SYT16: variants seen among roughly 807,000 people sequenced by gnomAD.
SYT16 encodes synaptotagmin-16.
SYT16 carries 42 observed loss-of-function variants against 61.4 expected under a neutral mutation model. That is an observed-to-expected ratio of 0.68 (90% confidence interval 0.53 to 0.89). The LOEUF (loss-of-function observed/expected upper bound fraction) is 0.89. Ranked by LOEUF, SYT16 falls within the 40% of genes least tolerant of loss-of-function variation. SYT16 has a pLI of 0.00. For missense variants in SYT16, 804 were observed against 807.3 expected (o/e 1.00, Z 0.05); for synonymous variants, 314 against 302.3 (o/e 1.04, Z -0.40).
At chr14:61,916,540 G>A (rs534248415) in intron 1 of SYT16, among the ~76,000 whole-genome samples, 48 of 152,154 alleles carry the variant, frequency 3.2e-4, no homozygotes, top group African/African-American at 1.0e-3. Context: ...TGAAATCAGG[G>A]TGATTCAGAT....
intron 1 of SYT16, among the ~76,000 whole-genome samples, chr14:61,929,077 T>C (rs553395884): frequency 6.6e-6 from 1 of 152,164 alleles, no homozygotes; most frequent in African/African-American, 2.4e-5. Flanking sequence ...CTTAGTTCAG[T>C]TTTTCTCTCC....
intron 7 of SYT16, among the ~76,000 whole-genome samples, chr14:62,090,800 G>C (rs1848841809): frequency 6.6e-6 from 1 of 152,164 alleles, no homozygotes; most frequent in Non-Finnish European, 1.5e-5. Context: ...AAGTAAAAGA[G>C]GTTTAGTGGA....
chr14:61,855,294 T>A (rs1260605858), intron 1 of SYT16, among the ~76,000 whole-genome samples: 1 of 152,200 alleles, frequency 6.6e-6, no homozygotes, highest in Non-Finnish European at 1.5e-5. Context: ...TGCATGGAAC[T>A]ACAGATGTAT....
At position 62,084,505 on chromosome 14, in the gene SYT16, A is replaced by G. The variant is rs113610359; in HGVS notation, c.1624+120A>G. On this transcript the variant is annotated intron_variant, in intron 7 of 7. Coordinates refer to ENST00000683842, the MANE Select transcript of SYT16 (RefSeq NM_001367656.1). ...AAATGATCTTATTATGGCTTAAGCAAGCTTTCACAAAGAGATACCTCTGTA... is the reference window on the plus strand; with the variant it reads ...AAATGATCTTATTATGGCTTAAGCAGGCTTTCACAAAGAGATACCTCTGTA... The G allele has an allele frequency of 2.2e-4, 251 of 1,130,992 alleles. No individual in the cohort carries two copies. The African/African-American group carries it at 3.6e-3, about 16-fold the overall frequency. 70.1% of individuals were successfully genotyped at this position (1,130,992 alleles called of 1,614,324 possible).
intron 1 of SYT16, among the ~76,000 whole-genome samples, chr14:61,847,151 C>T (rs540747122): frequency 4.6e-5 from 7 of 152,130 alleles, no homozygotes; most frequent in Non-Finnish European, 8.8e-5. Flanking sequence ...GAGTTTTACA[C>T]CTTCAGATGA....
intron 1 of SYT16, among the ~76,000 whole-genome samples, chr14:61,966,256 C>A (rs1424680303): frequency 6.6e-6 from 1 of 151,852 alleles, no homozygotes; most frequent in Non-Finnish European, 1.5e-5. Context: ...CTTCATATTA[C>A]CTTCAATCTG....
In SYT16 at chr14:62,100,575, G is replaced by A; in HGVS notation, c.1806G>A (p.Lys602=). 7 of 1,613,834 alleles carry A rather than the reference G, an allele frequency of 4.3e-6. No homozygotes were observed. In the South Asian group the frequency reaches 5.5e-5, roughly 13 times the overall value. The change falls in exon 8 of 8, where the codon AAG becomes AAA. Residue 602 remains lysine, a synonymous_variant. Transcript: ENST00000683842. Reference sequence around the variant, plus strand: ...CCGTTTATAACAGGCGTACTATGAAGCGTAAAGAGATGATTGGCTGGATTG... The same window carrying A: ...CCGTTTATAACAGGCGTACTATGAAACGTAAAGAGATGATTGGCTGGATTG... ...MISVYNRRTM[K]RKEMIGWIAL...
At chr14:61,866,184 A>G (rs768235047) in intron 1 of SYT16, among the ~76,000 whole-genome samples, 1 of 152,160 alleles carries the variant, frequency 6.6e-6, no homozygotes, top group Non-Finnish European at 1.5e-5. Context: ...CTCGTGTATA[A>G]GTATTTGTGT....
At chr14:61,875,204 T>C (rs943032547) in intron 1 of SYT16, among the ~76,000 whole-genome samples, 6 of 152,234 alleles carry the variant, frequency 3.9e-5, no homozygotes, top group African/African-American at 1.2e-4. Context: ...ATCAGTGTTA[T>C]GGCTTTAGAG....
intron 7 of SYT16, among the ~76,000 whole-genome samples, chr14:62,098,305 G>T (rs2057330010): frequency 1.3e-5 from 2 of 152,260 alleles, no homozygotes; most frequent in South Asian, 2.1e-4. Context: ...GATTGAATTT[G>T]GGAAACACCC....
At chr14:61,878,535 C>T (rs2047584400) in intron 1 of SYT16, among the ~76,000 whole-genome samples, 1 of 152,178 alleles carries the variant, frequency 6.6e-6, no homozygotes, top group African/African-American at 2.4e-5. Context: ...TCTACATAGC[C>T]ACACTTGAAA....
intron 3 of SYT16, among the ~76,000 whole-genome samples, chr14:62,032,361 G>A (rs34565772): frequency 0.24 from 35,691 of 151,874 alleles, 6,099 homozygotes; most frequent in African/African-American, 0.48. Context: ...TAAGATAAGA[G>A]TTAGAATAGT....
At chr14:61,850,455 G>A (rs990833217) in intron 1 of SYT16, among the ~76,000 whole-genome samples, 1 of 152,032 alleles carries the variant, frequency 6.6e-6, no homozygotes, top group Non-Finnish European at 1.5e-5. Flanking sequence ...TTTTCTGATA[G>A]TGATGTTGAA....
chr14:62,009,512 T>C (rs953478683), intron 3 of SYT16, among the ~76,000 whole-genome samples: 2 of 152,200 alleles, frequency 1.3e-5, no homozygotes, highest in African/African-American at 4.8e-5. Context: ...GTTCTCAAAC[T>C]ACTATCTCTC....
rs889972775 is a variant in SYT16 at position 61,883,594 on chromosome 14, A to G, written c.-325+70784A>G. Among the ~76,000 whole-genome samples, 12 of 152,308 alleles carry G rather than the reference A, an allele frequency of 7.9e-5. No homozygotes were observed. The East Asian group carries it at 1.4e-3, about 17-fold the overall frequency. On this transcript the variant is annotated intron_variant, in intron 1 of 7. Transcript: ENST00000683842. Reference sequence around the variant, plus strand: ...TCTCTAGGAAGTTCCAAACTCTCCTACATTTTTCTGTCATCTGAGCCCTCC... The same window carrying G: ...TCTCTAGGAAGTTCCAAACTCTCCTGCATTTTTCTGTCATCTGAGCCCTCC...
chr14:62,050,527 C>G (rs879105767), intron 3 of SYT16, among the ~76,000 whole-genome samples: 1 of 152,188 alleles, frequency 6.6e-6, no homozygotes, highest in Non-Finnish European at 1.5e-5. Flanking sequence ...AGCTGCGTTC[C>G]TTTGGAGGAG....
chr14:61,874,339 C>T (rs1221908644), intron 1 of SYT16, among the ~76,000 whole-genome samples: 2 of 152,044 alleles, frequency 1.3e-5, no homozygotes, highest in Non-Finnish European at 2.9e-5. Context: ...ACAGCATTTG[C>T]GGGATGTGAA....
At position 62,017,047 on chromosome 14, in the gene SYT16, G is replaced by A. The variant is rs150623716; in HGVS notation, c.523+20505G>A. Among the ~76,000 whole-genome samples, 464 of 152,292 alleles carry A rather than the reference G, an allele frequency of 3.0e-3. 1 individual carries two copies. The highest frequency in any genetic ancestry group is 0.01 in the African/African-American group (429 of 41,558). ...CATAACTTTGTCAGGCAAAGTAGAA[G>A]ACTTGAGGAGAACATGCCCAAAGAA... On this transcript the variant is annotated intron_variant, in intron 3 of 7. Transcript: ENST00000683842.
chr14:62,078,939 A>G (rs765310169), intron 5 of SYT16, among the ~76,000 whole-genome samples: 8 of 152,242 alleles, frequency 5.3e-5, no homozygotes, highest in Non-Finnish European at 8.8e-5. Context: ...AAGGCCAAGA[A>G]GATCTGAAGT....
Sources: gnomAD v4.1 joint callset for allele counts (sites outside exome capture counted in the v4.1 genomes callset) on GRCh38, gnomAD v4.1.1 for gene constraint, MANE v1.5 for transcripts, NCBI Gene and HGNC (gene_info 2026-07-23, HGNC 2026-07-21) for gene names.